The following LRGUK variants were observed in gnomAD, a reference collection of about 807,000 sequenced individuals.
LRGUK encodes the protein leucine rich repeats and guanylate kinase domain containing, also known as leucine-rich repeat and guanylate kinase domain-containing protein.
In LRGUK, 65 loss-of-function variants were observed where a neutral mutation model predicts 76.0. The observed-to-expected ratio is 0.85, with a 90% CI of 0.70 to 1.05. LRGUK has a LOEUF of 1.05. Ranked by LOEUF, LRGUK falls within the 50% of genes least tolerant of loss-of-function variation. The pLI is 0.00. For synonymous variants in LRGUK, 268 were observed against 265.6 expected, an observed-to-expected ratio of 1.01 and a Z score of -0.09; for missense variants, 758 against 732.8, an observed-to-expected ratio of 1.03 and a Z score of -0.40.
chr7:134,166,773 C>G (rs1451110444), intron 7 of LRGUK, among the ~76,000 whole-genome samples: 1 of 152,182 alleles, frequency 6.6e-6, no homozygotes, highest in Non-Finnish European at 1.5e-5. Context: ...ATAGAAGGAA[C>G]ATTCTTTGCC....
At chr7:134,266,829 G>T (rs1802865106), downstream of LRGUK, among the ~76,000 whole-genome samples, 1 of 151,976 alleles carries the variant, frequency 6.6e-6, no homozygotes, top group Non-Finnish European at 1.5e-5. Context: ...TAAAGCCAAA[G>T]AAATTCACAA....
At chr7:134,211,687 C>T (rs898994805), downstream of LRGUK, among the ~76,000 whole-genome samples, 10 of 152,162 alleles carry the variant, frequency 6.6e-5, no homozygotes, top group South Asian at 2.1e-4. Flanking sequence ...TTATGCCAAA[C>T]CATCTGGTTG....
At chr7:134,233,137 C>T (rs1023879107) in intron 16 of LRGUK, among the ~76,000 whole-genome samples, 2 of 152,166 alleles carry the variant, frequency 1.3e-5, no homozygotes. Flanking sequence ...AGTTCTTTTG[C>T]GTTACTTGCC....
intron 16 of LRGUK, among the ~76,000 whole-genome samples, chr7:134,239,557 C>T (rs1182680065): frequency 6.6e-6 from 1 of 152,198 alleles, no homozygotes; most frequent in East Asian, 1.9e-4. Flanking sequence ...CTGGGAAGCT[C>T]GAACTGGGTG....
chr7:134,245,473 C>A (rs1023182233), intron 16 of LRGUK, among the ~76,000 whole-genome samples: 7 of 152,124 alleles, frequency 4.6e-5, no homozygotes, highest in Non-Finnish European at 5.9e-5. Flanking sequence ...GATACTGATA[C>A]CATGCAGGTG....
At chr7:134,234,238 C>T (rs1211018068) in intron 16 of LRGUK, among the ~76,000 whole-genome samples, 1 of 152,040 alleles carries the variant, frequency 6.6e-6, no homozygotes, top group East Asian at 1.9e-4. Context: ...CATTATATGA[C>T]CCTCAGATAC....
At position 134,192,234 on chromosome 7, in the gene LRGUK, G is replaced by A. The variant is rs552407428; in HGVS notation, c.1431+483G>A. ...ACCCTAAGCACCATTTCAGTATGGC[G>A]TGTCCCATTTACTTGGCTTGTTCTG... is the stretch of plus-strand genomic sequence containing the variant. On this transcript the variant is annotated intron_variant, in intron 12 of 15. Transcript: ENST00000645682. Among the ~76,000 whole-genome samples, 6 of 152,260 alleles carry A rather than the reference G, an allele frequency of 3.9e-5. No homozygotes were observed. The East Asian group carries it at 1.2e-3, about 29-fold the overall frequency.
chr7:134,177,769 G>T (rs1356071273), intron 9 of LRGUK, among the ~76,000 whole-genome samples: 1 of 152,146 alleles, frequency 6.6e-6, no homozygotes, highest in Admixed American at 6.5e-5. Context: ...CTGAAATCTT[G>T]GTTAAAAGCA....
chr7:134,185,732 T>C (rs1799956482), intron 11 of LRGUK, among the ~76,000 whole-genome samples: 1 of 152,126 alleles, frequency 6.6e-6, no homozygotes, highest in South Asian at 2.1e-4. Flanking sequence ...TATTTCCTAA[T>C]GCTATTACAA....
chr7:134,136,910 G>A (rs894164804), intron 1 of LRGUK, 113 bp from the exon 2 acceptor site: 1 of 833,102 alleles, frequency 1.2e-6, no homozygotes, highest in Non-Finnish European at 1.9e-6. Flanking sequence ...AAATTTTGGA[G>A]AGCTCAGCTC....
chr7:134,136,144 A>G (rs1204529068), intron 1 of LRGUK, among the ~76,000 whole-genome samples: 2 of 152,170 alleles, frequency 1.3e-5, no homozygotes, highest in Non-Finnish European at 2.9e-5. Flanking sequence ...TTGTGTTCTC[A>G]TGTTGATGTC....
chr7:134,160,026 T>C (rs533424689), intron 6 of LRGUK, among the ~76,000 whole-genome samples: 6 of 152,366 alleles, frequency 3.9e-5, no homozygotes, highest in Admixed American at 1.3e-4. Flanking sequence ...TTTTAAAATT[T>C]ACGACAATCT....
chr7:134,157,803 G>T (rs7785919), intron 5 of LRGUK, among the ~76,000 whole-genome samples: 1 of 151,956 alleles, frequency 6.6e-6, no homozygotes, highest in Admixed American at 6.6e-5. Flanking sequence ...GATTACAGGC[G>T]TGAGCCACCG....
intron 1 of LRGUK, 151 bp from the exon 2 acceptor site, chr7:134,136,872 T>C (rs1797560947): frequency 4.9e-6 from 3 of 608,480 alleles, no homozygotes; most frequent in Non-Finnish European, 8.8e-6. Context: ...GTATATGTTA[T>C]CAACACAGAA....
chr7:134,226,175 A>G (rs1248250444), intron 16 of LRGUK, among the ~76,000 whole-genome samples: 1 of 150,904 alleles, frequency 6.6e-6, no homozygotes, highest in Non-Finnish European at 1.5e-5. Flanking sequence ...AACTATTATG[A>G]GGGCTTTGAC....
chr7:134,180,001 G>A (rs989671279), intron 10 of LRGUK, among the ~76,000 whole-genome samples: 5 of 152,094 alleles, frequency 3.3e-5, no homozygotes, highest in Non-Finnish European at 7.4e-5. Context: ...GTATAATTGG[G>A]GTGAGGATAC....
At chr7:134,262,829 G>A (rs1802764326) in intron 19 of LRGUK, among the ~76,000 whole-genome samples, 1 of 151,992 alleles carries the variant, frequency 6.6e-6, no homozygotes, top group Non-Finnish European at 1.5e-5. Flanking sequence ...TTACGCAGAT[G>A]TGGTGGTGGC....
chr7:134,172,560 T>C (rs4498485), intron 7 of LRGUK, among the ~76,000 whole-genome samples: 21,754 of 152,182 alleles, frequency 0.14, 2,217 homozygotes, highest in East Asian at 0.38. Context: ...GATTGCCCTA[T>C]AGAAAGAATG....
intron 15 of LRGUK, among the ~76,000 whole-genome samples, chr7:134,220,060 C>A (rs1259901888): frequency 6.6e-6 from 1 of 152,114 alleles, no homozygotes; most frequent in South Asian, 2.1e-4. Context: ...ACTGCTGTAT[C>A]CCCAGCATCT....
Sources: gnomAD v4.1 joint callset for allele counts (sites outside exome capture counted in the v4.1 genomes callset) on GRCh38, gnomAD v4.1.1 for gene constraint, MANE v1.5 for transcripts, NCBI Gene and HGNC (gene_info 2026-07-23, HGNC 2026-07-21) for gene names.